PCDHA1: variants seen among roughly 807,000 people sequenced by gnomAD.
PCDHA1 encodes the protein protocadherin alpha 1, also known as protocadherin alpha-1.
A neutral mutation model predicts 61.3 loss-of-function variants in PCDHA1; 42 were observed. The observed-to-expected ratio is 0.69, with a 90% CI of 0.54 to 0.89. The LOEUF (loss-of-function observed/expected upper bound fraction) is 0.89. PCDHA1 is among the 40% of genes least tolerant of loss of function. The pLI is 0.00. For synonymous variants in PCDHA1, 610 were observed against 553.8 expected (o/e 1.10, Z -1.43); for missense variants, 1,256 against 1,235.3 (o/e 1.02, Z -0.25).
At chr5:140,984,975 T>A (rs571343368) in intron 3 of PCDHA1, among the ~76,000 whole-genome samples, 1 of 152,128 alleles carries the variant, frequency 6.6e-6, no homozygotes, top group Admixed American at 6.5e-5. Flanking sequence ...TCTCGCTCTG[T>A]CCCCCAGGCT....
intron 1 of PCDHA1, chr5:140,856,061 T>A (rs782207999): frequency 1.3e-6 from 2 of 1,588,972 alleles, no homozygotes; most frequent in Non-Finnish European, 8.6e-7. Context: ...GGTTTCCAGA[T>A]GTAGCTGCCT....
intron 1 of PCDHA1, among the ~76,000 whole-genome samples, chr5:140,935,338 T>C (rs2090317634): frequency 1.3e-5 from 2 of 152,364 alleles, no homozygotes; most frequent in African/African-American, 4.8e-5. Context: ...ATTTCTCCCA[T>C]ACGTCAAATC....
intron 1 of PCDHA1, chr5:140,802,305 G>T (rs1290587407): frequency 8.7e-6 from 14 of 1,614,200 alleles, no homozygotes; most frequent in African/African-American, 1.3e-5. Context: ...CACAGTCATC[G>T]CTCTGATCAG....
Position 140,856,935 on chromosome 5 carries a change from A to G in PCDHA1, c.2394+68251A>G, listed in dbSNP as rs1554149306. 4 of 1,594,120 alleles carry G rather than the reference A, an allele frequency of 2.5e-6. 1 individual carries two copies. The African/African-American group carries it at 5.4e-5, about 21-fold the overall frequency. ...ATAAGAAGGAAATTTTGGATAAACGAAAGGACGGGAGAAATAAAAGTAAAT... is the reference window on the plus strand; with the variant it reads ...ATAAGAAGGAAATTTTGGATAAACGGAAGGACGGGAGAAATAAAAGTAAAT... On this transcript the variant is annotated intron_variant, in intron 1 of 3. Transcript: ENST00000504120.
intron 1 of PCDHA1, chr5:140,877,285 G>C: frequency 1.2e-6 from 2 of 1,613,898 alleles, no homozygotes; most frequent in Non-Finnish European, 1.7e-6. Context: ...CGGCTATAAC[G>C]CTTGGCTGTC....
chr5:140,925,762 T>G (rs1172229426), intron 1 of PCDHA1, among the ~76,000 whole-genome samples: 3 of 152,052 alleles, frequency 2.0e-5, no homozygotes, highest in African/African-American at 7.2e-5. Flanking sequence ...ACAGAGTAGT[T>G]TCCTGGTCAA....
chr5:140,836,344 A>T, intron 1 of PCDHA1: 1 of 1,613,666 alleles, frequency 6.2e-7, no homozygotes, highest in Non-Finnish European at 8.5e-7. Context: ...GTGAAGGACC[A>T]CGGGGAGCCC....
At chr5:140,935,402 A>T (rs1297077002) in intron 1 of PCDHA1, among the ~76,000 whole-genome samples, 2 of 152,212 alleles carry the variant, frequency 1.3e-5, no homozygotes, top group Non-Finnish European at 2.9e-5. Flanking sequence ...ACGGGACTCA[A>T]ACAATGGACT....
chr5:140,832,759 G>A (rs1485511269), intron 1 of PCDHA1, among the ~76,000 whole-genome samples: 1 of 152,158 alleles, frequency 6.6e-6, no homozygotes, highest in Non-Finnish European at 1.5e-5. Flanking sequence ...GTAAAAGCAA[G>A]AATATTGTAA....
chr5:140,841,134 G>T, intron 1 of PCDHA1: 1 of 689,850 alleles, frequency 1.4e-6, no homozygotes. Flanking sequence ...ACCTTTTGAA[G>T]CCACATGATG....
intron 1 of PCDHA1, among the ~76,000 whole-genome samples, chr5:140,964,381 T>C (rs1008874330): frequency 1.3e-5 from 2 of 152,176 alleles, no homozygotes. Flanking sequence ...AGGAGAGTCC[T>C]GGTTTTTCTC....
chr5:140,921,974 T>G lies in PCDHA1; in HGVS notation c.2395-56975T>G, dbSNP rs184369031. Among the ~76,000 whole-genome samples the G allele has an allele frequency of 1.1e-3, 161 of 151,826 alleles. 2 individuals are homozygous for G. The highest frequency in any genetic ancestry group is 2.1e-3 in the Non-Finnish European group (141 of 67,922). The stretch of plus-strand genomic sequence containing the variant: ...AATCCCAGAAAACCAAAGGAAAAAA[T>G]AGAACTAAAAAAGAGTTCAATGAAA... On this transcript the variant is annotated intron_variant, in intron 1 of 3. Transcript: ENST00000504120.
intron 1 of PCDHA1, among the ~76,000 whole-genome samples, chr5:140,818,327 G>A (rs2150100834): frequency 0.059 from 8,913 of 152,042 alleles, 865 homozygotes; most frequent in African/African-American, 0.2. Context: ...ATTTTATCTT[G>A]TTATTCTAGG....
chr5:140,985,650 A>G (rs2097162504), intron 3 of PCDHA1, among the ~76,000 whole-genome samples: 2 of 151,684 alleles, frequency 1.3e-5, no homozygotes, highest in South Asian at 4.2e-4. Context: ...AACACTTGCA[A>G]TGGCTGAATA....
intron 1 of PCDHA1, chr5:140,857,885 G>A: frequency 6.3e-7 from 1 of 1,597,988 alleles, no homozygotes; most frequent in Non-Finnish European, 8.6e-7. Context: ...ATTGCAGTCG[G>A]CGGCGGTTGG....
chr5:140,866,283 G>A (rs1554160187), intron 1 of PCDHA1: 1 of 152,094 alleles, frequency 6.6e-6, no homozygotes, highest in Non-Finnish European at 1.5e-5. Context: ...GACAGTGTTT[G>A]GGACAAGTAT....
chr5:140,833,414 G>A (rs1408450757), intron 1 of PCDHA1, among the ~76,000 whole-genome samples: 1 of 152,196 alleles, frequency 6.6e-6, no homozygotes, highest in Non-Finnish European at 1.5e-5. Flanking sequence ...AAGGGCTGCT[G>A]TATGTGAGAT....
At chr5:140,823,777 C>T (rs2150129068) in intron 1 of PCDHA1, 1 of 1,613,860 alleles carries the variant, frequency 6.2e-7, no homozygotes, top group Non-Finnish European at 8.5e-7. Flanking sequence ...GCTGGTGTCG[C>T]TGGTGGAAAG....
intron 1 of PCDHA1, among the ~76,000 whole-genome samples, chr5:140,955,323 G>A (rs1213005534): frequency 6.6e-6 from 1 of 152,098 alleles, no homozygotes; most frequent in East Asian, 1.9e-4. Flanking sequence ...ACCTTGAATT[G>A]TAGTTCCCAT....
Sources: gnomAD v4.1 joint callset for allele counts (sites outside exome capture counted in the v4.1 genomes callset) on GRCh38, gnomAD v4.1.1 for gene constraint, MANE v1.5 for transcripts, NCBI Gene and HGNC (gene_info 2026-07-23, HGNC 2026-07-21) for gene names.